The following SF3A3 variants were observed in gnomAD, a reference collection of about 807,000 sequenced individuals.
SF3A3 encodes SAP 61.
SF3A3 carries 9 observed loss-of-function variants against 85.8 expected under a neutral mutation model. That is an observed-to-expected ratio of 0.10 (90% CI 0.06 to 0.18). SF3A3 has a LOEUF of 0.18. Among genes scored for constraint, SF3A3 ranks in the 10% least tolerant of loss-of-function variants. The pLI, the probability that SF3A3 is intolerant of heterozygous loss-of-function variation, is 1.00. For missense variants in SF3A3, 306 were observed against 593.3 expected (o/e 0.52, Z 5.03); for synonymous variants, 195 against 204.4 (o/e 0.95, Z 0.39).
rs17465826 is a variant in SF3A3 at position 37,957,849 on chromosome 1, T to G, written c.*337A>C. ...CAGGTCAGATTTACCTAACATGATA[T>G]GTAGCATAATAGGTGCCCATTAAAT... On this transcript the variant is annotated 3_prime_UTR_variant, in exon 17 of 17. Coordinates refer to ENST00000373019, the MANE Select transcript of SF3A3 (RefSeq NM_006802.4). 0.031 allele frequency: 6,922 copies of G among 223,514 alleles called. 149 individuals are homozygous for G. The highest frequency in any genetic ancestry group is 0.096 in the Middle Eastern group (59 of 616). The allele number at this position is 223,514 out of a possible 1,614,324, so 13.8% of individuals were successfully genotyped here. A position where few individuals can be genotyped will look rare whatever the true frequency, so the allele number is the denominator to read the frequency against.
At chr1:37,981,595 C>A (rs962765417) in intron 7 of SF3A3, 134 bp downstream of exon 7, 3 of 690,706 alleles carry the variant, frequency 4.3e-6, no homozygotes. Context: ...CATTCATAAC[C>A]CCATCCTCCA....
At position 37,969,400 on chromosome 1, in the gene SF3A3, C is replaced by G; in HGVS notation, c.1235G>C (p.Gly412Ala). 1 of 1,612,598 alleles carries G rather than the reference C, an allele frequency of 6.2e-7. No homozygotes were observed. Among genetic ancestry groups the G allele is most frequent in the Non-Finnish European group, 8.5e-7 (1 of 1,179,990 alleles). ...LNINYNCEIC[G>A]NYTYRGPKAF... ...TTTGGGCCCTCGGTAGGTGTAGTTTCCACAAATCTCACAGTTGTAGTTGAT... is the reference window on the plus strand; with the variant it reads ...TTTGGGCCCTCGGTAGGTGTAGTTTGCACAAATCTCACAGTTGTAGTTGAT... Residue 412 changes from glycine (G) to alanine (A), a missense_variant, in exon 14 of 17, where the codon GGA becomes GCA. Transcript: ENST00000373019.
intron 15 of SF3A3, among the ~76,000 whole-genome samples, chr1:37,965,761 T>C (rs1432494861): frequency 1.6e-5 from 2 of 127,362 alleles, no homozygotes; most frequent in Non-Finnish European, 3.1e-5. Flanking sequence ...AGGTTCAAGC[T>C]GACCAAACAG....
chr1:37,989,781 G>T, intron 1 of SF3A3, 89 bp downstream of exon 1: 1 of 1,260,434 alleles, frequency 7.9e-7, no homozygotes, highest in South Asian at 1.2e-5. Context: ...AAGGCAGGGA[G>T]GTTCTGAGGG....
At chr1:37,964,500 G>A (rs1227693180) in intron 15 of SF3A3, among the ~76,000 whole-genome samples, 3 of 151,714 alleles carry the variant, frequency 2.0e-5, no homozygotes, top group Non-Finnish European at 4.4e-5. Context: ...CCAGCTACTC[G>A]GAAGGCTGAG....
chr1:37,970,325 T>C (rs1295552256), intron 12 of SF3A3, among the ~76,000 whole-genome samples: 1 of 144,768 alleles, frequency 6.9e-6, no homozygotes, highest in African/African-American at 2.6e-5. Flanking sequence ...AAAAAAAATA[T>C]GCACACAATA....
At chr1:37,961,358 G>A (rs1392094106) in intron 15 of SF3A3, among the ~76,000 whole-genome samples, 1 of 152,088 alleles carries the variant, frequency 6.6e-6, no homozygotes, top group Non-Finnish European at 1.5e-5. Flanking sequence ...GCTGAGGCAG[G>A]CGGAACACCT....
intron 15 of SF3A3, among the ~76,000 whole-genome samples, chr1:37,964,480 G>T (rs1248138902): frequency 6.6e-6 from 1 of 151,852 alleles, no homozygotes; most frequent in Non-Finnish European, 1.5e-5. Context: ...GGTGGCGAGC[G>T]CCTGTAATTC....
intron 6 of SF3A3, among the ~76,000 whole-genome samples, chr1:37,982,472 G>A (rs1646426114): frequency 6.6e-6 from 1 of 151,740 alleles, no homozygotes. Context: ...ATGGGTTCAA[G>A]CGATTCTCCT....
chr1:37,974,628 T>C (rs1646367667), intron 12 of SF3A3, among the ~76,000 whole-genome samples: 1 of 152,194 alleles, frequency 6.6e-6, no homozygotes, highest in South Asian at 2.1e-4. Flanking sequence ...TAACTTGCCT[T>C]GAGTCTCTCC....
At chr1:37,970,856 A>G (rs1192856587) in intron 12 of SF3A3, among the ~76,000 whole-genome samples, 2 of 152,234 alleles carry the variant, frequency 1.3e-5, no homozygotes, top group African/African-American at 4.8e-5. Flanking sequence ...CATTTAAAGC[A>G]GCGTGTAAAG....
chr1:37,988,869 G>GTA (rs1646473240), intron 2 of SF3A3, among the ~76,000 whole-genome samples: 1 of 149,002 alleles, frequency 6.7e-6, no homozygotes, highest in African/African-American at 2.5e-5. Context: ...GTGTGTGTGT[G>GTA]TGTGTGTGTG....
Position 37,971,069 on chromosome 1 carries a change from G to A in SF3A3, c.1006-1334C>T, listed in dbSNP as rs1224607757. On this transcript the variant is annotated intron_variant, in intron 12 of 16. Transcript: ENST00000373019. Reference sequence around the variant, plus strand: ...CTTCAAAAAAAATCAATGAATCCAGGAGCTGGTTTTTTGAAAAGATCAACA... The same window carrying A: ...CTTCAAAAAAAATCAATGAATCCAGAAGCTGGTTTTTTGAAAAGATCAACA... 2.6e-5 allele frequency among the ~76,000 whole-genome samples: 4 copies of A among 152,022 alleles called. No individual in the cohort carries two copies. The East Asian group carries it at 7.7e-4, about 29-fold the overall frequency.
At chr1:37,980,242 T>C (rs1183918596) in intron 8 of SF3A3, among the ~76,000 whole-genome samples, 1 of 152,054 alleles carries the variant, frequency 6.6e-6, no homozygotes, top group African/African-American at 2.4e-5. Flanking sequence ...CTGACAAATA[T>C]GGAGAAACCC....
chr1:37,973,959 T>C (rs1229939188), intron 12 of SF3A3, among the ~76,000 whole-genome samples: 1 of 152,168 alleles, frequency 6.6e-6, no homozygotes, highest in African/African-American at 2.4e-5. Flanking sequence ...GAAACCATCA[T>C]TCTGAGCAAA....
intron 12 of SF3A3, among the ~76,000 whole-genome samples, chr1:37,970,399 C>A (rs1257027129): frequency 2.0e-5 from 3 of 151,642 alleles, no homozygotes; most frequent in Non-Finnish European, 4.4e-5. Flanking sequence ...GACTCCCACA[C>A]AATAATAATG....
Position 37,989,605 on chromosome 1 carries a change from C to T in SF3A3, c.97-10G>A. On this transcript the variant is annotated splice_polypyrimidine_tract_variant and intron_variant, in intron 1 of 16. Transcript: ENST00000373019. Reference sequence around the variant, plus strand: ...TGATCTGGTCCCGGAGCTGAAAAAACAAACGGTGACACAAACGCCGTTAGT... The same window carrying T: ...TGATCTGGTCCCGGAGCTGAAAAAATAAACGGTGACACAAACGCCGTTAGT... 6.2e-7 allele frequency: 1 copy of T among 1,613,744 alleles called. No homozygotes were observed. The highest frequency in any genetic ancestry group is 8.5e-7 in the Non-Finnish European group (1 of 1,179,806).
chr1:37,971,694 G>A (rs1010054563), intron 12 of SF3A3, among the ~76,000 whole-genome samples: 6 of 152,180 alleles, frequency 3.9e-5, no homozygotes, highest in Admixed American at 6.5e-5. Context: ...ATGCAAGGCT[G>A]GTTCAACATA....
chr1:37,965,928 C>T (rs937470745), intron 15 of SF3A3, among the ~76,000 whole-genome samples: 5 of 152,112 alleles, frequency 3.3e-5, no homozygotes, highest in African/African-American at 7.2e-5. Flanking sequence ...GGGATGGGCG[C>T]GGTGGCTAAC....
Sources: gnomAD v4.1 joint callset for allele counts (sites outside exome capture counted in the v4.1 genomes callset) on GRCh38, gnomAD v4.1.1 for gene constraint, MANE v1.5 for transcripts, NCBI Gene and HGNC (gene_info 2026-07-23, HGNC 2026-07-21) for gene names.